KCNH5: variants seen among roughly 807,000 people sequenced by gnomAD.
KCNH5 encodes potassium voltage-gated channel subfamily H member 5, also known as voltage-gated delayed rectifier potassium channel KCNH5.
Under a neutral mutation model 96.1 loss-of-function variants are expected in KCNH5, and 46 were observed. The ratio of observed to expected loss-of-function variants is 0.48; its 90% confidence interval spans 0.38 to 0.61. The LOEUF is 0.61. Ranked by LOEUF, KCNH5 falls within the 20% of genes least tolerant of loss-of-function variation. The probability of loss-of-function intolerance (pLI) is 0.00; values close to 1 mark genes in which losing one functional copy is unlikely to be tolerated. For missense variants in KCNH5, 907 were observed against 1,225.8 expected (o/e 0.74, Z 3.88); for synonymous variants, 439 against 449.8 (o/e 0.98, Z 0.30).
chr14:62,719,094 TG>T (rs1884750813), intron 10 of KCNH5, among the ~76,000 whole-genome samples: 2 of 152,230 alleles, frequency 1.3e-5, no homozygotes, highest in African/African-American at 4.8e-5. Context: ...GGGTTTCTTC[TG>T]GGGATGATGA....
chr14:62,934,138 T>TTC (rs1406242647), intron 7 of KCNH5, among the ~76,000 whole-genome samples: 2 of 147,950 alleles, frequency 1.4e-5, no homozygotes, highest in Non-Finnish European at 1.5e-5. Context: ...CTTTCTTTCT[T>TTC]TTTTTTTTTT....
At chr14:62,941,701 C>T (rs1889793573) in intron 7 of KCNH5, among the ~76,000 whole-genome samples, 1 of 152,152 alleles carries the variant, frequency 6.6e-6, no homozygotes, top group Admixed American at 6.5e-5. Flanking sequence ...CATTTTCTAC[C>T]TACACCGCAA....
intron 10 of KCNH5, among the ~76,000 whole-genome samples, chr14:62,750,063 G>T (rs1490031): frequency 0.67 from 102,167 of 151,892 alleles, 34,886 homozygotes; most frequent in East Asian, 0.86. Context: ...TAATAAATAT[G>T]TAAATATTTT....
intron 3 of KCNH5, among the ~76,000 whole-genome samples, chr14:63,005,329 T>C (rs1891104293): frequency 1.3e-5 from 2 of 152,226 alleles, no homozygotes; most frequent in African/African-American, 4.8e-5. Context: ...GTTAGTCTAC[T>C]AATAAAAAGA....
intron 5 of KCNH5, among the ~76,000 whole-genome samples, chr14:62,982,314 C>T (rs749635417): frequency 7.3e-5 from 11 of 151,656 alleles, no homozygotes; most frequent in East Asian, 1.9e-4. Context: ...GGCGACAGAG[C>T]GAGACTCCGT....
intron 9 of KCNH5, among the ~76,000 whole-genome samples, chr14:62,794,796 C>A (rs1199865440): frequency 6.6e-6 from 1 of 151,956 alleles, no homozygotes; most frequent in Non-Finnish European, 1.5e-5. Context: ...TTCTTTAAAT[C>A]CCTTTTAATT....
At chr14:62,975,480 A>C (rs1395017382) in intron 6 of KCNH5, among the ~76,000 whole-genome samples, 3 of 152,150 alleles carry the variant, frequency 2.0e-5, no homozygotes, top group Non-Finnish European at 4.4e-5. Flanking sequence ...AAATATTAAT[A>C]AAACAATCAC....
intron 10 of KCNH5, among the ~76,000 whole-genome samples, chr14:62,733,059 A>G (rs886544632): frequency 6.6e-6 from 1 of 152,142 alleles, no homozygotes; most frequent in Non-Finnish European, 1.5e-5. Flanking sequence ...TACATAGGAA[A>G]ACCATAAGGA....
intron 6 of KCNH5, among the ~76,000 whole-genome samples, chr14:62,971,184 T>C (rs1458333101): frequency 6.6e-6 from 1 of 152,098 alleles, no homozygotes; most frequent in African/African-American, 2.4e-5. Context: ...GTTACAAGGT[T>C]AATACACAAA....
intron 6 of KCNH5, among the ~76,000 whole-genome samples, chr14:62,973,464 T>C (rs1326837674): frequency 6.6e-6 from 1 of 152,194 alleles, no homozygotes; most frequent in Non-Finnish European, 1.5e-5. Context: ...TTAATGCTGC[T>C]ATAAAAAGGG....
intron 10 of KCNH5, among the ~76,000 whole-genome samples, chr14:62,711,769 C>A (rs892224832): frequency 1.3e-5 from 2 of 152,170 alleles, no homozygotes; most frequent in Non-Finnish European, 2.9e-5. Flanking sequence ...ACTGAACGTA[C>A]TCATTTGTGA....
rs148432922 is a variant in KCNH5 at position 62,728,993 on chromosome 14, C to G, written c.2020-20538G>C. Among the ~76,000 whole-genome samples, 539 of 152,276 alleles carry G rather than the reference C, an allele frequency of 3.5e-3. 2 individuals carry two copies. Among genetic ancestry groups the G allele is most frequent in the African/African-American group, 0.013 (526 of 41,556 alleles). On this transcript the variant is annotated intron_variant, in intron 10 of 10. Coordinates refer to ENST00000322893, the MANE Select transcript of KCNH5 (RefSeq NM_139318.5). ...CGAGACTAAGAGATGAAAAGTTAATCTAGAAAGATGATTTTTAATTTACTT... is the reference window on the plus strand; with the variant it reads ...CGAGACTAAGAGATGAAAAGTTAATGTAGAAAGATGATTTTTAATTTACTT...
intron 7 of KCNH5, among the ~76,000 whole-genome samples, chr14:62,903,680 TA>T (rs146926221): frequency 2.6e-5 from 4 of 151,650 alleles, no homozygotes; most frequent in Non-Finnish European, 4.4e-5. Flanking sequence ...AAACAAACGT[TA>T]AAAAAAACCT....
chr14:62,835,624 T>G (rs1887449504), intron 8 of KCNH5, among the ~76,000 whole-genome samples: 1 of 152,112 alleles, frequency 6.6e-6, no homozygotes, highest in Non-Finnish European at 1.5e-5. Flanking sequence ...GAAACTTTAC[T>G]TCAAATATTG....
At chr14:62,809,506 G>C (rs1216241038) in intron 8 of KCNH5, among the ~76,000 whole-genome samples, 1 of 152,044 alleles carries the variant, frequency 6.6e-6, no homozygotes, top group Admixed American at 6.6e-5. Flanking sequence ...AGGAGCCACA[G>C]GTTATCGTGG....
intron 10 of KCNH5, among the ~76,000 whole-genome samples, chr14:62,736,245 A>G (rs1046391186): frequency 6.6e-6 from 1 of 152,168 alleles, no homozygotes; most frequent in African/African-American, 2.4e-5. Context: ...AAACAAGAGC[A>G]AACCTCTTAA....
At chr14:62,877,546 A>G (rs1888400426) in intron 7 of KCNH5, among the ~76,000 whole-genome samples, 1 of 152,238 alleles carries the variant, frequency 6.6e-6, no homozygotes, top group South Asian at 2.1e-4. Context: ...ACATGAACAG[A>G]CATTTCTCAA....
At chr14:62,776,034 T>G (rs559428792) in intron 10 of KCNH5, among the ~76,000 whole-genome samples, 33 of 152,082 alleles carry the variant, frequency 2.2e-4, no homozygotes, top group Admixed American at 1.9e-3. Context: ...TTTGGGAGGC[T>G]GAGGTGGGTA....
chr14:62,937,198 T>C (rs1889701531), intron 7 of KCNH5, among the ~76,000 whole-genome samples: 1 of 152,152 alleles, frequency 6.6e-6, no homozygotes, highest in Non-Finnish European at 1.5e-5. Flanking sequence ...CCTTAAATCC[T>C]GACTCTCTTT....
Sources: allele counts gnomAD v4.1 joint callset (sites outside exome capture counted in the v4.1 genomes callset), GRCh38; gene constraint gnomAD v4.1.1; transcripts MANE v1.5; gene names NCBI Gene and HGNC (gene_info 2026-07-23, HGNC 2026-07-21).